SPP1: variants seen among roughly 807,000 people sequenced by gnomAD.
SPP1 encodes osteopontin.
SPP1 carries 18 observed loss-of-function variants against 20.8 expected under a neutral mutation model. The ratio of observed to expected loss-of-function variants is 0.87; its 90% CI spans 0.60 to 1.29. The LOEUF (loss-of-function observed/expected upper bound fraction) is 1.29, where lower values mean the gene tolerates loss of function less well. Among genes scored for constraint, SPP1 ranks in the 50% most tolerant of loss-of-function variants. The pLI is 0.00. For missense variants in SPP1, 363 were observed against 389.0 expected, an observed-to-expected ratio of 0.93 and a Z score of 0.56; for synonymous variants, 146 against 141.5, an observed-to-expected ratio of 1.03 and a Z score of -0.23.
chr4:87,981,698 C>G lies in SPP1; in HGVS notation c.440C>G (p.Thr147Ser). 6.2e-7 allele frequency: 1 copy of G among 1,614,174 alleles called. No homozygotes were observed. The highest frequency in any genetic ancestry group is 8.5e-7 in the Non-Finnish European group (1 of 1,180,042). The change falls in exon 6 of 7, where the codon ACT becomes AGT. Residue 147 changes from threonine (T) to serine (S), a missense_variant. By Grantham distance (58) the Thr-to-Ser change is moderately conservative (BLOSUM62 1). Transcript: ENST00000395080. ...PTDLPATEVFTPVVPTVDTYD... is the reference protein window; with the variant it reads ...PTDLPATEVFSPVVPTVDTYD... ...GACCTGCCAGCAACCGAAGTTTTCA[C>G]TCCAGTTGTCCCCACAGTAGACACA...
At position 87,981,674 on chromosome 4, in the gene SPP1, A is replaced by G; in HGVS notation, c.416A>G (p.Asp139Gly). 6.2e-7 allele frequency: 1 copy of G among 1,614,152 alleles called. No homozygotes were observed. The highest frequency in any genetic ancestry group is 8.5e-7 in the Non-Finnish European group (1 of 1,180,030). ...GAACTGGTCACTGATTTTCCCACGG[A>G]CCTGCCAGCAACCGAAGTTTTCACT... ...SDELVTDFPT[D>G]LPATEVFTPV... The change falls in exon 6 of 7, where the codon GAC becomes GGC. Residue 139 changes from aspartate to glycine, a missense_variant. Transcript: ENST00000395080.
Position 87,976,942 on chromosome 4 carries a change from C to T in SPP1, c.47C>T (p.Ala16Val). 2 of 1,613,662 alleles carry T rather than the reference C, an allele frequency of 1.2e-6. No individual in the cohort carries two copies. Among genetic ancestry groups the T allele is most frequent in the Non-Finnish European group, 8.5e-7 (1 of 1,179,602 alleles). ...ICFCLLGITC[A>V]IPVKQADSGS... is the part of the protein sequence containing the mutation. Reference sequence around the variant, plus strand: ...TTTTGCCTCCTAGGCATCACCTGTGCCATACCAGTGAGTACAGTTGCATCT... The same window carrying T: ...TTTTGCCTCCTAGGCATCACCTGTGTCATACCAGTGAGTACAGTTGCATCT... Residue 16 changes from alanine to valine, a missense_variant, in exon 2 of 7, where the codon GCC becomes GTC. Physicochemically the swap from Ala to Val is moderately conservative, Grantham distance 64. Coordinates refer to ENST00000395080, the MANE Select transcript of SPP1 (RefSeq NM_001040058.2).
intron 5 of SPP1, 187 bp downstream of exon 5, chr4:87,980,621 A>G: frequency 1.6e-6 from 1 of 617,724 alleles, no homozygotes; most frequent in South Asian, 2.2e-5. Flanking sequence ...GGATAAGTTT[A>G]GCATTACAGA....
chr4:87,981,944 A>G (rs1725667071), intron 6 of SPP1, 146 bp downstream of exon 6: 2 of 752,012 alleles, frequency 2.7e-6, no homozygotes, highest in African/African-American at 1.8e-5. Context: ...ACCATTGAAT[A>G]CAAATCTTTT....
At chr4:87,977,204 A>G in intron 3 of SPP1, 107 bp downstream of exon 3, 1 of 1,147,136 alleles carries the variant, frequency 8.7e-7, no homozygotes, top group Non-Finnish European at 1.3e-6. Context: ...AGTCAAATCC[A>G]TTGGTTTACA....
At position 87,982,901 on chromosome 4, in the gene SPP1, A is replaced by C; in HGVS notation, c.*5A>C. 1 of 1,577,800 alleles carries C rather than the reference A, an allele frequency of 6.3e-7. No homozygotes were observed. The highest frequency in any genetic ancestry group is 8.6e-7 in the Non-Finnish European group (1 of 1,163,652). On this transcript the variant is annotated 3_prime_UTR_variant, in exon 7 of 7. Transcript: ENST00000395080. The stretch of plus-strand genomic sequence containing the variant: ...GCATCTTCTGAGGTCAATTAAAAGG[A>C]GAAAAAATACAATTTCTCACTTTGC...
chr4:87,978,527 CG>C (rs1418930153), intron 3 of SPP1, among the ~76,000 whole-genome samples: 2 of 151,480 alleles, frequency 1.3e-5, no homozygotes, highest in Non-Finnish European at 2.9e-5. Flanking sequence ...GGACTACAGG[CG>C]CCCGCCACCA....
chr4:87,980,565 A>C, intron 5 of SPP1, 131 bp downstream of exon 5: 1 of 876,500 alleles, frequency 1.1e-6, no homozygotes, highest in Admixed American at 2.9e-5. Context: ...ACTTGCTCAT[A>C]AATAAAACAT....
chr4:87,980,252 G>T, intron 4 of SPP1, 126 bp downstream of exon 4: 27 of 1,455,038 alleles, frequency 1.9e-5, no homozygotes, highest in Non-Finnish European at 2.5e-5. Flanking sequence ...TGACTGATCT[G>T]CCATGTTGGC....
chr4:87,978,607 C>A (rs1725506988), intron 3 of SPP1, among the ~76,000 whole-genome samples: 1 of 152,094 alleles, frequency 6.6e-6, no homozygotes, highest in Admixed American at 6.5e-5. Context: ...TGGTCTCCAT[C>A]TCCTGACCTC....
At chr4:87,980,235 A>G (rs1725587662) in intron 4 of SPP1, 109 bp downstream of exon 4, 8 of 1,480,168 alleles carry the variant, frequency 5.4e-6, no homozygotes, top group Admixed American at 1.7e-5. Context: ...ACATGTGCTT[A>G]GGACATTGAC....
intron 3 of SPP1, 119 bp from the exon 4 acceptor site, chr4:87,979,927 G>T (rs902130510): frequency 1.1e-5 from 10 of 876,644 alleles, no homozygotes; most frequent in African/African-American, 3.5e-5. Context: ...ATTACAAAAA[G>T]GTACCTAAGG....
chr4:87,982,403 T>G, intron 6 of SPP1, 89 bp from the exon 7 acceptor site: 1 of 1,464,386 alleles, frequency 6.8e-7, no homozygotes, highest in African/African-American at 1.4e-5. Flanking sequence ...TAGTATAAGA[T>G]GACCTAAAAG....
Position 87,982,928 on chromosome 4 carries a change from T to A in SPP1, c.*32T>A. ...AAAAAATACAATTTCTCACTTTGCA[T>A]TTAGTCAAAAGAAAAAATGCTTTAT... On this transcript the variant is annotated 3_prime_UTR_variant, in exon 7 of 7. Transcript: ENST00000395080. 6.5e-7 allele frequency: 1 copy of A among 1,547,952 alleles called. No homozygotes were observed. The highest frequency in any genetic ancestry group is 1.3e-5 in the South Asian group (1 of 79,240).
intron 6 of SPP1, 23 bp from the exon 7 acceptor site, chr4:87,982,469 T>C (rs779214950): frequency 3.7e-6 from 6 of 1,602,736 alleles, no homozygotes; most frequent in Admixed American, 1.7e-5. Context: ...ATATAATTAT[T>C]CTTCATTTGT....
chr4:87,976,113 G>C (rs544386923), intron 1 of SPP1, among the ~76,000 whole-genome samples: 1 of 151,958 alleles, frequency 6.6e-6, no homozygotes, highest in Non-Finnish European at 1.5e-5. Context: ...ATTTTCAGTG[G>C]GTGACTGTGC....
intron 1 of SPP1, 137 bp from the exon 2 acceptor site, chr4:87,976,745 A>G: frequency 3.6e-6 from 2 of 557,310 alleles, no homozygotes; most frequent in East Asian, 2.8e-5. Flanking sequence ...TAAAAAGAAA[A>G]GGCATCTCTA....
chr4:87,977,018 G>A, intron 2 of SPP1, 41 bp from the exon 3 acceptor site: 1 of 1,613,342 alleles, frequency 6.2e-7, no homozygotes, highest in Non-Finnish European at 8.5e-7. Flanking sequence ...TGTGCTAGGA[G>A]GACATTCTTG....
Position 87,977,869 on chromosome 4 carries a change from T to A in SPP1, c.93+772T>A, listed in dbSNP as rs1490154717. Reference sequence around the variant, plus strand: ...AAAAGAAGTATTCTGTGTTCGTTTGTGTGTGGAGGGGTGTGTGTGTCTGTT... The same window carrying A: ...AAAAGAAGTATTCTGTGTTCGTTTGAGTGTGGAGGGGTGTGTGTGTCTGTT... On this transcript the variant is annotated intron_variant, in intron 3 of 6. Transcript: ENST00000395080. The A allele has an allele frequency of 1.3e-5, 16 of 1,219,238 alleles. No individual in the cohort carries two copies. In the East Asian group the frequency reaches 4.4e-4, roughly 33 times the overall value. 75.5% of individuals were successfully genotyped at this position (1,219,238 alleles called of 1,614,324 possible).
Sources: allele counts gnomAD v4.1 joint callset (sites outside exome capture counted in the v4.1 genomes callset), GRCh38; gene constraint gnomAD v4.1.1; transcripts MANE v1.5; gene names NCBI Gene and HGNC (gene_info 2026-07-23, HGNC 2026-07-21).